Variants in NRXN1 observed in about 807,000 individuals in gnomAD.
NRXN1 encodes neurexin-1.
Under a neutral mutation model 150.9 loss-of-function variants are expected in NRXN1, and 39 were observed. The ratio of observed to expected loss-of-function variants is 0.26; its 90% CI spans 0.20 to 0.34. NRXN1 has a LOEUF of 0.34. NRXN1 is among the 10% of genes least tolerant of loss of function. The probability of loss-of-function intolerance (pLI) is 1.00; values close to 1 mark genes in which losing one functional copy is unlikely to be tolerated. For missense variants in NRXN1, 1,815 were observed against 1,949.9 expected, an observed-to-expected ratio of 0.93 and a Z score of 1.30; for synonymous variants, 924 against 757.0, an observed-to-expected ratio of 1.22 and a Z score of -3.62.
chr2:50,518,993 G>A (rs926194469), intron 12 of NRXN1, among the ~76,000 whole-genome samples: 5 of 151,662 alleles, frequency 3.3e-5, no homozygotes, highest in African/African-American at 9.7e-5. Context: ...ATTATAATGC[G>A]TAGAAATCTA....
intron 21 of NRXN1, among the ~76,000 whole-genome samples, chr2:49,948,080 A>G (rs955413320): frequency 2.6e-5 from 4 of 152,100 alleles, no homozygotes; most frequent in Non-Finnish European, 5.9e-5. Flanking sequence ...TGAACTAAGT[A>G]CCATCTTTTA....
chr2:50,873,876 G>T (rs757791629), intron 5 of NRXN1, among the ~76,000 whole-genome samples: 9 of 151,790 alleles, frequency 5.9e-5, no homozygotes, highest in Admixed American at 5.3e-4. Flanking sequence ...GGAAGGAGTT[G>T]CTCAGAAACC....
At chr2:50,737,576 G>T (rs530303284) in intron 5 of NRXN1, among the ~76,000 whole-genome samples, 8 of 152,266 alleles carry the variant, frequency 5.3e-5, no homozygotes, top group African/African-American at 1.9e-4. Context: ...CATAGCATTA[G>T]TAGTGTCTAA....
intron 17 of NRXN1, among the ~76,000 whole-genome samples, chr2:50,334,474 G>A (rs2152987589): frequency 6.6e-6 from 1 of 152,170 alleles, no homozygotes; most frequent in East Asian, 1.9e-4. Flanking sequence ...AAAAGCCTAT[G>A]TCTTTCTTGA....
intron 9 of NRXN1, among the ~76,000 whole-genome samples, chr2:50,551,927 AG>A (rs1466969635): frequency 6.6e-6 from 1 of 152,094 alleles, no homozygotes; most frequent in Non-Finnish European, 1.5e-5. Context: ...CCCAAATTTC[AG>A]TGTAAATGTG....
intron 8 of NRXN1, among the ~76,000 whole-genome samples, chr2:50,565,322 G>A (rs1457363456): frequency 2.6e-5 from 4 of 151,782 alleles, no homozygotes; most frequent in East Asian, 1.9e-4. Flanking sequence ...AATTTCGCAC[G>A]TCTTTTCCTT....
At chr2:50,380,590 G>C (rs1242570829) in intron 17 of NRXN1, among the ~76,000 whole-genome samples, 3 of 151,878 alleles carry the variant, frequency 2.0e-5, no homozygotes, top group Non-Finnish European at 4.4e-5. Context: ...CCATAAAGTG[G>C]GAAAAATACC....
At chr2:50,973,589 C>G (rs919429356) in intron 2 of NRXN1, among the ~76,000 whole-genome samples, 3 of 151,960 alleles carry the variant, frequency 2.0e-5, no homozygotes, top group Non-Finnish European at 4.4e-5. Context: ...AAAAGAGTTA[C>G]ATATAGAGTA....
chr2:50,596,468 G>T (rs1225494570), intron 8 of NRXN1, among the ~76,000 whole-genome samples: 2 of 152,244 alleles, frequency 1.3e-5, no homozygotes, highest in Admixed American at 6.5e-5. Flanking sequence ...CCCTTTCACA[G>T]ATAAATCACA....
At chr2:50,459,610 G>T (rs989188722) in intron 17 of NRXN1, among the ~76,000 whole-genome samples, 1 of 151,990 alleles carries the variant, frequency 6.6e-6, no homozygotes, top group African/African-American at 2.4e-5. Flanking sequence ...ATAGCCTCCA[G>T]CTCCATCCAT....
At chr2:50,640,686 G>A (rs1240465286) in intron 5 of NRXN1, among the ~76,000 whole-genome samples, 1 of 152,292 alleles carries the variant, frequency 6.6e-6, no homozygotes, top group African/African-American at 2.4e-5. Flanking sequence ...AATATCATCT[G>A]AGAGTAATAT....
chr2:50,069,063 A>T (rs1188852540), intron 19 of NRXN1, among the ~76,000 whole-genome samples: 1 of 152,230 alleles, frequency 6.6e-6, no homozygotes, highest in African/African-American at 2.4e-5. Context: ...CCCTGAGGGA[A>T]AACAGAATTC....
At chr2:50,478,550 G>C (rs989786704) in intron 15 of NRXN1, among the ~76,000 whole-genome samples, 3 of 151,726 alleles carry the variant, frequency 2.0e-5, no homozygotes, top group Admixed American at 6.6e-5. Flanking sequence ...GTGGTCACCA[G>C]CTTGATTTAT....
At chr2:50,175,630 C>T (rs2060306556) in intron 18 of NRXN1, among the ~76,000 whole-genome samples, 1 of 151,536 alleles carries the variant, frequency 6.6e-6, no homozygotes, top group Non-Finnish European at 1.5e-5. Context: ...ATATAGCATG[C>T]ATATATATGC....
intron 2 of NRXN1, among the ~76,000 whole-genome samples, chr2:51,011,982 T>C (rs1667950187): frequency 6.6e-6 from 1 of 151,996 alleles, no homozygotes; most frequent in Non-Finnish European, 1.5e-5. Context: ...TGATTAATCC[T>C]TTCATCTTTC....
At chr2:50,397,224 G>A (rs1164434680) in intron 17 of NRXN1, among the ~76,000 whole-genome samples, 1 of 152,090 alleles carries the variant, frequency 6.6e-6, no homozygotes, top group Non-Finnish European at 1.5e-5. Flanking sequence ...CAAAGGACAT[G>A]AGAAACTTAG....
At chr2:50,739,426 T>C (rs545990000) in intron 5 of NRXN1, among the ~76,000 whole-genome samples, 1 of 152,256 alleles carries the variant, frequency 6.6e-6, no homozygotes, top group African/African-American at 2.4e-5. Flanking sequence ...CCACAAAAAA[T>C]GTCTATTATG....
chr2:49,999,733 C>T (rs571280767), intron 21 of NRXN1, among the ~76,000 whole-genome samples: 232 of 152,232 alleles, frequency 1.5e-3, no homozygotes, highest in Middle Eastern at 3.4e-3. Context: ...CCTCATAGAA[C>T]ACACAAATAG....
chr2:50,099,906 G>A (rs916260749), intron 18 of NRXN1, among the ~76,000 whole-genome samples: 1 of 152,100 alleles, frequency 6.6e-6, no homozygotes, highest in East Asian at 1.9e-4. Context: ...CTGAGGCAGA[G>A]CATGCTTGAT....
Sources: allele counts gnomAD v4.1 joint callset (sites outside exome capture counted in the v4.1 genomes callset), GRCh38; gene constraint gnomAD v4.1.1; transcripts MANE v1.5; gene names NCBI Gene and HGNC (gene_info 2026-07-23, HGNC 2026-07-21).